RIMOC1: variants seen among roughly 807,000 people sequenced by gnomAD.
The protein encoded by RIMOC1 is RAB7A interacting MON1-CCZ1 complex subunit 1, also known as RAB7A-interacting MON1-CCZ1 complex subunit 1.
At chr5:41,921,038 T>C in the RIMOC1 span, 3 of 152,666 alleles carry the variant, frequency 2.0e-5, no homozygotes, top group African/African-American at 7.2e-5. Context: ...AAGACCTGTG[T>C]GCTCTGCTGC....
chr5:41,918,577 G>A, the RIMOC1 span: 10 of 985,198 alleles, frequency 1.0e-5, no homozygotes, highest in African/African-American at 1.7e-5. Flanking sequence ...CTACCTTTTC[G>A]GGGATGCTGA....
the RIMOC1 span, among the ~76,000 whole-genome samples, chr5:41,905,513 AC>A: frequency 6.6e-6 from 1 of 151,988 alleles, no homozygotes; most frequent in African/African-American, 2.4e-5. Context: ...CAAGCATTCC[AC>A]CCGCTTTGGC....
the RIMOC1 span, among the ~76,000 whole-genome samples, chr5:41,910,865 G>C: frequency 6.6e-6 from 1 of 152,040 alleles, no homozygotes; most frequent in South Asian, 2.1e-4. Context: ...TAATTTTCAT[G>C]TATTAATAGA....
At chr5:41,904,372 C>G in the RIMOC1 span, 1 of 1,613,090 alleles carries the variant, frequency 6.2e-7, no homozygotes, top group Non-Finnish European at 8.5e-7. Flanking sequence ...GTGGCCATGG[C>G]GGCCGCAGTC....
the RIMOC1 span, chr5:41,907,797 G>A: frequency 3.1e-6 from 5 of 1,609,912 alleles, no homozygotes; most frequent in East Asian, 1.1e-4. Flanking sequence ...GTGGAGAAGA[G>A]AAAGAATGTT....
chr5:41,914,609 A>C, the RIMOC1 span, among the ~76,000 whole-genome samples: 4 of 151,940 alleles, frequency 2.6e-5, no homozygotes, highest in Non-Finnish European at 4.4e-5. Context: ...AAACTAAAAA[A>C]AAAAAAAAAA....
the RIMOC1 span, chr5:41,904,375 C>G: frequency 1.6e-5 from 26 of 1,613,368 alleles, no homozygotes; most frequent in African/African-American, 2.9e-4. Flanking sequence ...GCCATGGCGG[C>G]CGCAGTCTCT....
At chr5:41,915,626 G>C in the RIMOC1 span, among the ~76,000 whole-genome samples, 1 of 152,184 alleles carries the variant, frequency 6.6e-6, no homozygotes, top group Non-Finnish European at 1.5e-5. Flanking sequence ...GGTGGCAAGA[G>C]AGAAGGAGAG....
At chr5:41,912,126 C>T in the RIMOC1 span, 1 of 1,612,148 alleles carries the variant, frequency 6.2e-7, no homozygotes, top group Non-Finnish European at 8.5e-7. Context: ...ATGTCCTATC[C>T]AGTTAAATGA....
chr5:41,920,803 C>A, the RIMOC1 span: 1 of 152,144 alleles, frequency 6.6e-6, no homozygotes, highest in Non-Finnish European at 1.5e-5. Flanking sequence ...AAGACTTTAT[C>A]ATTTCAGCTA....
the RIMOC1 span, chr5:41,907,703 G>A: frequency 6.2e-5 from 84 of 1,347,000 alleles, no homozygotes; most frequent in African/African-American, 1.1e-3. Context: ...CTGAAACTAG[G>A]TGAAGTAATC....
the RIMOC1 span, chr5:41,918,513 T>C: frequency 4.1e-6 from 4 of 985,314 alleles, no homozygotes; most frequent in South Asian, 1.9e-4. Flanking sequence ...TTCCCTGGTC[T>C]TTTAGTCTAG....
At chr5:41,916,154 A>G in the RIMOC1 span, among the ~76,000 whole-genome samples, 2 of 152,038 alleles carry the variant, frequency 1.3e-5, no homozygotes, top group East Asian at 1.9e-4. Context: ...TTACATTTTT[A>G]TTTCTTTTAT....
At chr5:41,904,347 G>A in the RIMOC1 span, 6 of 1,611,812 alleles carry the variant, frequency 3.7e-6, no homozygotes, top group East Asian at 4.5e-5. Flanking sequence ...CGTGACCGGG[G>A]CGCACCCGCC....
chr5:41,909,353 G>C, the RIMOC1 span, among the ~76,000 whole-genome samples: 1 of 152,030 alleles, frequency 6.6e-6, no homozygotes, highest in African/African-American at 2.4e-5. Context: ...TCCTTTGAAG[G>C]TTCAAAACTG....
chr5:41,921,054 T>C, the RIMOC1 span: 1 of 152,656 alleles, frequency 6.6e-6, no homozygotes, highest in East Asian at 1.9e-4. Context: ...GCTGCATTTA[T>C]AGGGTTTTGG....
At chr5:41,906,766 T>A in the RIMOC1 span, among the ~76,000 whole-genome samples, 5 of 152,320 alleles carry the variant, frequency 3.3e-5, no homozygotes, top group African/African-American at 7.2e-5. Flanking sequence ...GTGCTTTTGC[T>A]CCAACAATGA....
At chr5:41,910,966 C>A in the RIMOC1 span, 1 of 1,490,924 alleles carries the variant, frequency 6.7e-7, no homozygotes, top group East Asian at 2.3e-5. Flanking sequence ...TGTTTTTAAT[C>A]GATGAGTTTT....
the RIMOC1 span, among the ~76,000 whole-genome samples, chr5:41,904,729 T>G: frequency 2.6e-5 from 4 of 152,166 alleles, no homozygotes; most frequent in Admixed American, 2.6e-4. Flanking sequence ...TGGTGTAAAC[T>G]GTCTCGGTAG....
Sources: gnomAD v4.1 joint callset for allele counts (sites outside exome capture counted in the v4.1 genomes callset) on GRCh38, gnomAD v4.1.1 for gene constraint, MANE v1.5 for transcripts, NCBI Gene and HGNC (gene_info 2026-07-23, HGNC 2026-07-21) for gene names.